XIRP2: variants seen among roughly 807,000 people sequenced by gnomAD.
XIRP2 encodes the protein xin actin binding repeat containing 2.
XIRP2 carries 236 observed loss-of-function variants against 277.0 expected under a neutral mutation model. That is an observed-to-expected ratio of 0.85 (90% CI 0.77 to 0.95). The LOEUF (loss-of-function observed/expected upper bound fraction) is 0.95. XIRP2 is among the 40% of genes least tolerant of loss of function. The pLI is 0.00. For missense variants in XIRP2, 4,640 were observed against 4,157.5 expected, an observed-to-expected ratio of 1.12 and a Z score of -3.19; for synonymous variants, 1,490 against 1,416.5, an observed-to-expected ratio of 1.05 and a Z score of -1.17.
At chr2:167,110,152 T>G (rs1690715716) in intron 2 of XIRP2, among the ~76,000 whole-genome samples, 1 of 152,212 alleles carries the variant, frequency 6.6e-6, no homozygotes, top group Non-Finnish European at 1.5e-5. Context: ...TAGTTTCTTT[T>G]GTTGTGCAGA....
intron 2 of XIRP2, among the ~76,000 whole-genome samples, chr2:167,089,248 G>A (rs755523195): frequency 1.6e-4 from 24 of 152,102 alleles, no homozygotes; most frequent in Non-Finnish European, 3.4e-4. Context: ...CAATAGCAAA[G>A]ACAACTTTTT....
chr2:167,174,705 T>G (rs1341859354), intron 3 of XIRP2, among the ~76,000 whole-genome samples: 1 of 152,180 alleles, frequency 6.6e-6, no homozygotes, highest in South Asian at 2.1e-4. Context: ...ATTGTGATGT[T>G]AGGGTGTCAA....
chr2:166,948,777 T>C (rs550617678), intron 2 of XIRP2, among the ~76,000 whole-genome samples: 5 of 152,090 alleles, frequency 3.3e-5, no homozygotes, highest in Non-Finnish European at 7.4e-5. Context: ...TGGCCACATG[T>C]CAAATATTCA....
In XIRP2 at chr2:167,247,754, T is replaced by C. The variant is rs1198212404; in HGVS notation, c.6362T>C (p.Val2121Ala). The C allele has an allele frequency of 1.2e-6, 2 of 1,613,334 alleles. No individual in the cohort carries two copies. Among genetic ancestry groups the C allele is most frequent in the Middle Eastern group, 1.6e-4 (1 of 6,076 alleles). ...FNSIQSAGKTVGKQQTYELRN... is the reference protein window; with the variant it reads ...FNSIQSAGKTAGKQQTYELRN... ...TCCATCCAATCTGCTGGTAAAACCGTTGGAAAGCAACAGACATATGAACTG... is the reference window on the plus strand; with the variant it reads ...TCCATCCAATCTGCTGGTAAAACCGCTGGAAAGCAACAGACATATGAACTG... The change falls in exon 9 of 11, where the codon GTT (valine) becomes GCT (alanine). Residue 2121 changes from valine (V) to alanine (A), a missense_variant. Coordinates refer to ENST00000409195, the MANE Select transcript of XIRP2 (RefSeq NM_152381.6).
chr2:167,076,575 T>A (rs1689579083), intron 2 of XIRP2, among the ~76,000 whole-genome samples: 1 of 152,202 alleles, frequency 6.6e-6, no homozygotes, highest in Non-Finnish European at 1.5e-5. Context: ...GGTCCATATA[T>A]TCTTCCTTAA....
At chr2:167,028,685 A>G (rs1482868776) in intron 2 of XIRP2, among the ~76,000 whole-genome samples, 1 of 151,970 alleles carries the variant, frequency 6.6e-6, no homozygotes, top group Non-Finnish European at 1.5e-5. Flanking sequence ...CATCAAGAAC[A>G]TCCAGGAAAA....
In XIRP2 at chr2:167,249,364, GA is replaced by G; in HGVS notation, c.7974del (p.Val2659PhefsTer60). 2 of 1,613,716 alleles carry G rather than the reference GA, an allele frequency of 1.2e-6. No homozygotes were observed. Among genetic ancestry groups the G allele is most frequent in the Non-Finnish European group, 1.7e-6 (2 of 1,179,828 alleles). On this transcript the variant is annotated frameshift_variant, in exon 9 of 11. Coordinates refer to ENST00000409195, the MANE Select transcript of XIRP2 (RefSeq NM_152381.6). LOFTEE classifies it high-confidence loss of function. ...ASEDKDKMKK[E>X]VLQSSRDIMQ... ...AGAAGACAAAGATAAGATGAAAAAG[GA>G]AGTTTTACAAAGCTCAAGGGACATT... is the stretch of plus-strand genomic sequence containing the variant.
intron 2 of XIRP2, among the ~76,000 whole-genome samples, chr2:166,966,080 ATTTTC>A (rs1215340961): frequency 6.6e-6 from 1 of 151,772 alleles, no homozygotes; most frequent in Non-Finnish European, 1.5e-5. Flanking sequence ...AAAATCCCAT[ATTTTC>A]TTACAGCTGT....
intron 2 of XIRP2, among the ~76,000 whole-genome samples, chr2:167,093,153 C>A (rs74920309): frequency 0.032 from 4,774 of 151,510 alleles, 102 homozygotes; most frequent in East Asian, 0.05. Context: ...ATAATAGATG[C>A]GTAATCAATG....
At chr2:167,159,867 T>C (rs1692311593) in intron 3 of XIRP2, among the ~76,000 whole-genome samples, 1 of 152,114 alleles carries the variant, frequency 6.6e-6, no homozygotes, top group African/African-American at 2.4e-5. Context: ...AAATCTTAAA[T>C]ATCCAAAGAA....
chr2:167,082,219 G>C (rs554083758), intron 2 of XIRP2, among the ~76,000 whole-genome samples: 1 of 151,910 alleles, frequency 6.6e-6, no homozygotes, highest in African/African-American at 2.4e-5. Flanking sequence ...TCTTGCGATA[G>C]TTTACTGAGA....
At chr2:166,956,738 A>C (rs1686172366) in intron 2 of XIRP2, among the ~76,000 whole-genome samples, 1 of 151,792 alleles carries the variant, frequency 6.6e-6, no homozygotes, top group Non-Finnish European at 1.5e-5. Flanking sequence ...AGTATTAGGC[A>C]GGAAGAAGGG....
intron 2 of XIRP2, among the ~76,000 whole-genome samples, chr2:166,941,110 G>A (rs994340344): frequency 6.6e-6 from 1 of 152,150 alleles, no homozygotes; most frequent in African/African-American, 2.4e-5. Context: ...GAGCTTCCCA[G>A]CCACTTTGTT....
chr2:167,015,206 C>T (rs1687787517), intron 2 of XIRP2, among the ~76,000 whole-genome samples: 1 of 151,752 alleles, frequency 6.6e-6, no homozygotes, highest in Non-Finnish European at 1.5e-5. Flanking sequence ...ATAATTGATA[C>T]TATGGCAATT....
At chr2:166,925,986 A>G (rs1030838917) in intron 2 of XIRP2, among the ~76,000 whole-genome samples, 1 of 151,866 alleles carries the variant, frequency 6.6e-6, no homozygotes, top group Non-Finnish European at 1.5e-5. Context: ...AGGCTGTAAG[A>G]TTGCTTGAGC....
At chr2:166,946,642 G>C (rs190828011) in intron 2 of XIRP2, among the ~76,000 whole-genome samples, 3 of 152,142 alleles carry the variant, frequency 2.0e-5, no homozygotes, top group Admixed American at 1.3e-4. Flanking sequence ...TATTCATGGA[G>C]AATGATAGAT....
chr2:166,962,509 A>G (rs1686324684), intron 2 of XIRP2, among the ~76,000 whole-genome samples: 1 of 151,762 alleles, frequency 6.6e-6, no homozygotes, highest in African/African-American at 2.4e-5. Flanking sequence ...CATCTATAAC[A>G]GCAAATTATT....
At chr2:167,077,005 G>T (rs1574229822) in intron 2 of XIRP2, among the ~76,000 whole-genome samples, 1 of 151,696 alleles carries the variant, frequency 6.6e-6, no homozygotes, top group African/African-American at 2.4e-5. Context: ...TCATTTTTGT[G>T]TGTTTTTTTG....
At chr2:166,911,844 T>G (rs548512765) in intron 2 of XIRP2, among the ~76,000 whole-genome samples, 2 of 152,146 alleles carry the variant, frequency 1.3e-5, no homozygotes, top group African/African-American at 4.8e-5. Flanking sequence ...GTCTGTAAAG[T>G]ATTTTATTTC....
Sources: allele counts gnomAD v4.1 joint callset (sites outside exome capture counted in the v4.1 genomes callset), GRCh38; gene constraint gnomAD v4.1.1; transcripts MANE v1.5; gene names NCBI Gene and HGNC (gene_info 2026-07-23, HGNC 2026-07-21).